Variants in EXOC3L2 observed in about 807,000 individuals in gnomAD.
EXOC3L2 encodes exocyst complex component 3-like protein 2.
EXOC3L2 carries 17 observed loss-of-function variants against 44.4 expected under a neutral mutation model. The observed-to-expected ratio is 0.38, with a 90% CI of 0.26 to 0.57. The LOEUF is 0.57. EXOC3L2 is among the 20% of genes least tolerant of loss of function. The probability of loss-of-function intolerance (pLI) is 0.65; values close to 1 mark genes in which losing one functional copy is unlikely to be tolerated. For synonymous variants in EXOC3L2, 256 were observed against 253.7 expected (o/e 1.01, Z -0.09); for missense variants, 541 against 588.4 (o/e 0.92, Z 0.83).
intron 9 of EXOC3L2, 60 bp from the exon 10 acceptor site, chr19:45,217,743 G>T (rs972852540): frequency 1.0e-5 from 14 of 1,379,882 alleles, no homozygotes; most frequent in Non-Finnish European, 1.2e-5. Flanking sequence ...CTCCCATCCC[G>T]CCAGTCTGAA....
At chr19:45,231,619 T>C (rs1339024059) in intron 4 of EXOC3L2, 144 bp downstream of exon 4, 1 of 637,592 alleles carries the variant, frequency 1.6e-6, no homozygotes, top group Non-Finnish European at 2.7e-6. Flanking sequence ...TTTGTGTCTA[T>C]GGCACATGGA....
chr19:45,227,262 T>C (rs1969974413), intron 7 of EXOC3L2, among the ~76,000 whole-genome samples: 3 of 149,676 alleles, frequency 2.0e-5, no homozygotes, highest in Non-Finnish European at 4.4e-5. Flanking sequence ...GGACTACAGG[T>C]GCCCGCCACC....
At chr19:45,219,392 T>TAAAAAA (rs1358373692) in intron 8 of EXOC3L2, among the ~76,000 whole-genome samples, 1 of 54,446 alleles carries the variant, frequency 1.8e-5, no homozygotes. Context: ...AGGCCCCGTC[T>TAAAAAA]CAAAAAAAAA....
intron 10 of EXOC3L2, 137 bp downstream of exon 10, chr19:45,217,391 G>T: frequency 2.8e-6 from 3 of 1,085,330 alleles, no homozygotes; most frequent in Non-Finnish European, 3.7e-6. Flanking sequence ...GTTACTGGTT[G>T]CTATTGACCC....
At chr19:45,245,304 A>AAGGGGGACCCCGC (rs915566483) in intron 1 of EXOC3L2, 37 bp downstream of exon 1, 1 of 151,788 alleles carries the variant, frequency 6.6e-6, no homozygotes, top group African/African-American at 2.4e-5. Context: ...TGCCCTGGGG[A>AAGGGGGACCCCGC]AGGGGGACCC....
rs375909062 is a variant in EXOC3L2, at chr19:45,227,931, C to T, written c.1472+43G>A. 4.4e-6 allele frequency: 7 copies of T among 1,595,516 alleles called. No individual in the cohort carries two copies. The African/African-American group carries it at 8.1e-5, about 18-fold the overall frequency. On this transcript the variant is annotated intron_variant, in intron 6 of 11. Coordinates refer to ENST00000413988, the MANE Select transcript of EXOC3L2 (RefSeq NM_001382422.1). ...TCTATTGGATCCCAGGCCCTGATGCCCAACCCCCAGCAGAGCTAACCTGTG... is the reference window on the plus strand; with the variant it reads ...TCTATTGGATCCCAGGCCCTGATGCTCAACCCCCAGCAGAGCTAACCTGTG...
At chr19:45,215,882 C>T (rs1458474958) in intron 11 of EXOC3L2, among the ~76,000 whole-genome samples, 191 bp downstream of exon 11, 1 of 152,136 alleles carries the variant, frequency 6.6e-6, no homozygotes, top group Non-Finnish European at 1.5e-5. Context: ...GCGGTGGCGG[C>T]GGAGGCAGCA....
intron 1 of EXOC3L2, among the ~76,000 whole-genome samples, chr19:45,243,383 T>C (rs346741): frequency 0.52 from 79,360 of 151,924 alleles, 21,617 homozygotes; most frequent in Non-Finnish European, 0.58. Context: ...GTTGCCTAGG[T>C]TATGAGTAAG....
At position 45,213,742 on chromosome 19, in the gene EXOC3L2, C is replaced by T. The variant is rs547242327; in HGVS notation, c.2121-385G>A. Among the ~76,000 whole-genome samples, 65 of 151,554 alleles carry T rather than the reference C, an allele frequency of 4.3e-4. 1 individual carries two copies. The highest frequency in any genetic ancestry group is 1.6e-3 in the African/African-American group (65 of 41,262). ...GGCGGATCACCTGAGGTCAGGAGTT[C>T]GAGACCAGCCTGGCCAACATGGCGA... On this transcript the variant is annotated intron_variant, in intron 11 of 11. Transcript: ENST00000413988.
At chr19:45,218,106 C>G (rs534591979) in intron 9 of EXOC3L2, 91 bp downstream of exon 9, 1 of 1,404,504 alleles carries the variant, frequency 7.1e-7, no homozygotes, top group Non-Finnish European at 9.4e-7. Context: ...GCTCTCCCAA[C>G]CTCCCAATCT....
At chr19:45,242,586 G>A (rs1970138900) in intron 1 of EXOC3L2, among the ~76,000 whole-genome samples, 1 of 151,986 alleles carries the variant, frequency 6.6e-6, no homozygotes, top group South Asian at 2.1e-4. Context: ...AACAAGCCAG[G>A]CGCAGTGGCT....
At position 45,224,802 on chromosome 19, in the gene EXOC3L2, G is replaced by A; in HGVS notation, c.1695C>T (p.Ala565=). The A allele has an allele frequency of 6.4e-7, 1 of 1,564,166 alleles. No homozygotes were observed. Among genetic ancestry groups the A allele is most frequent in the Non-Finnish European group, 8.7e-7 (1 of 1,154,102 alleles). Residue 565 remains alanine (A), a synonymous_variant, in exon 8 of 12, where the codon GCC becomes GCT. Transcript: ENST00000413988. ...CCTGCAGCTCCTGGAACAGCAGGTT[G>A]GCCACGACACGGTGGCAGAGCCGGG... ...HVTRLCHRVV[A]NLLFQELQPH... is the part of the protein sequence containing the mutation.
At chr19:45,225,999 C>T (rs1371538038) in intron 7 of EXOC3L2, among the ~76,000 whole-genome samples, 4 of 152,208 alleles carry the variant, frequency 2.6e-5, no homozygotes, top group Admixed American at 6.6e-5. Flanking sequence ...TTTCCTTCAA[C>T]AGCTTGGAGA....
At chr19:45,230,350 C>T (rs1970017886) in intron 4 of EXOC3L2, among the ~76,000 whole-genome samples, 1 of 152,132 alleles carries the variant, frequency 6.6e-6, no homozygotes, top group African/African-American at 2.4e-5. Flanking sequence ...TCCAGAGTAG[C>T]TGGGACTATA....
At position 45,212,598 on chromosome 19, in the gene EXOC3L2, CTTT is replaced by C. The variant is rs530736333; in HGVS notation, c.*468_*470del. 0.26 allele frequency: 29,015 copies of C among 110,866 alleles called. 4,078 individuals are homozygous for C. Among genetic ancestry groups the C allele is most frequent in the Middle Eastern group, 0.46 (93 of 202 alleles). 6.9% of individuals were successfully genotyped at this position (110,866 alleles called of 1,614,324 possible). On this transcript the variant is annotated 3_prime_UTR_variant, in exon 12 of 12. Transcript: ENST00000413988. Reference sequence around the variant, plus strand: ...CTCTTTGGCCTCTGTTTCCCCCTACCTTTTTTTTTTTTTTTTTTTTTTGAGAAA... The same window carrying C: ...CTCTTTGGCCTCTGTTTCCCCCTACCTTTTTTTTTTTTTTTTTTTGAGAAA...
chr19:45,232,147 T>C (rs1213746365), intron 3 of EXOC3L2, among the ~76,000 whole-genome samples: 1 of 152,136 alleles, frequency 6.6e-6, no homozygotes, highest in Admixed American at 6.6e-5. Context: ...GCTTCACCCA[T>C]GATCCATTTC....
In EXOC3L2 at chr19:45,238,208, A is replaced by G. The variant is rs1226742416; in HGVS notation, c.523+315T>C. ...AAAGAGAAGGGGGAGAGATGGGACC[A>G]AAATCAGGTATTCCCTTGGCTTTAG... On this transcript the variant is annotated intron_variant, in intron 2 of 11. Transcript: ENST00000413988. The surrounding 1 kb of genome is among the most constrained non-coding windows in gnomAD (Gnocchi z 5.5). Among the ~76,000 whole-genome samples, 1 of 152,178 alleles carries G rather than the reference A, an allele frequency of 6.6e-6. No homozygotes were observed. Among genetic ancestry groups the G allele is most frequent in the African/African-American group, 2.4e-5 (1 of 41,454 alleles).
chr19:45,225,062 A>T, intron 7 of EXOC3L2, 149 bp from the exon 8 acceptor site: 22 of 755,630 alleles, frequency 2.9e-5, no homozygotes, highest in East Asian at 1.8e-4. Flanking sequence ...GAGAGGGGTC[A>T]GGGGATGCTT....
chr19:45,227,926 G>C, intron 6 of EXOC3L2, 48 bp downstream of exon 6: 1 of 1,588,328 alleles, frequency 6.3e-7, no homozygotes, highest in Non-Finnish European at 8.6e-7. Context: ...CCCAGGCCCT[G>C]ATGCCCAACC....
Sources: allele counts gnomAD v4.1 joint callset (sites outside exome capture counted in the v4.1 genomes callset), GRCh38; gene constraint gnomAD v4.1.1; non-coding constraint Gnocchi (gnomAD v3.1); transcripts MANE v1.5; gene names NCBI Gene and HGNC (gene_info 2026-07-23, HGNC 2026-07-21).